KLHL1: variants seen among roughly 807,000 people sequenced by gnomAD.
KLHL1 encodes the protein kelch-like protein 1.
In KLHL1, 47 loss-of-function variants were observed where a neutral mutation model predicts 77.7. The observed-to-expected ratio is 0.60, with a 90% CI of 0.48 to 0.77. The LOEUF (loss-of-function observed/expected upper bound fraction) is 0.77. KLHL1 is among the 30% of genes least tolerant of loss of function. The pLI is 0.00. For synonymous variants in KLHL1, 360 were observed against 325.2 expected, an observed-to-expected ratio of 1.11 and a Z score of -1.15; for missense variants, 925 against 910.8, an observed-to-expected ratio of 1.02 and a Z score of -0.20.
chr13:69,979,372 G>A (rs1024278444), intron 1 of KLHL1, among the ~76,000 whole-genome samples: 2 of 151,794 alleles, frequency 1.3e-5, no homozygotes, highest in Admixed American at 6.6e-5. Context: ...GACTTTAGCA[G>A]GAATCTTTCT....
In KLHL1 at chr13:69,782,301, C is replaced by A. The variant is rs1035612197; in HGVS notation, c.1639+14437G>T. On this transcript the variant is annotated intron_variant, in intron 7 of 10. Transcript: ENST00000377844. ...ACCGGGTTCATCTCACTAGGGAGTG[C>A]CAGACAGTGGGCGCAGGTCAGTGGG... is the stretch of plus-strand genomic sequence containing the variant. 6.1e-4 allele frequency among the ~76,000 whole-genome samples: 93 copies of A among 152,312 alleles called. 1 individual carries two copies. Among genetic ancestry groups the A allele is most frequent in the Non-Finnish European group, 1.2e-3 (81 of 68,022 alleles).
chr13:69,868,814 A>G (rs1307510552), intron 5 of KLHL1, among the ~76,000 whole-genome samples: 2 of 152,144 alleles, frequency 1.3e-5, no homozygotes, highest in African/African-American at 4.8e-5. Flanking sequence ...TCAGTGATTA[A>G]TGAGCTTTAC....
At chr13:70,049,313 ATAAT>A (rs959902497) in intron 1 of KLHL1, among the ~76,000 whole-genome samples, 2 of 152,190 alleles carry the variant, frequency 1.3e-5, no homozygotes, top group African/African-American at 2.4e-5. Context: ...TGAATAAAAA[ATAAT>A]TAATTAGTTC....
At chr13:69,889,131 A>G (rs192043416) in intron 4 of KLHL1, among the ~76,000 whole-genome samples, 2 of 152,162 alleles carry the variant, frequency 1.3e-5, no homozygotes, top group African/African-American at 2.4e-5. Flanking sequence ...CCCTTCAAGT[A>G]TCAAGAGTTT....
intron 7 of KLHL1, among the ~76,000 whole-genome samples, chr13:69,768,032 T>G (rs1361165161): frequency 6.6e-6 from 1 of 152,228 alleles, no homozygotes. Flanking sequence ...GTTTGTATGT[T>G]TCATCTATGT....
chr13:69,828,059 A>T (rs1878617141), intron 6 of KLHL1, among the ~76,000 whole-genome samples: 1 of 150,360 alleles, frequency 6.7e-6, no homozygotes, highest in South Asian at 2.1e-4. Context: ...TCCCACTTGG[A>T]TGGACAGAAC....
At chr13:70,061,160 T>C (rs9317869) in intron 1 of KLHL1, among the ~76,000 whole-genome samples, 143,429 of 152,190 alleles carry the variant, frequency 0.94, 67,881 homozygotes, top group East Asian at 1. Context: ...CTTAATGTTT[T>C]AATCAAATTT....
intron 6 of KLHL1, among the ~76,000 whole-genome samples, chr13:69,827,729 C>CAAAAAAA (rs58504097): frequency 2.7e-5 from 2 of 73,006 alleles, no homozygotes; most frequent in African/African-American, 4.3e-5. Flanking sequence ...GACCCTGTCT[C>CAAAAAAA]AAAAAAAAAA....
At chr13:69,735,741 C>T (rs953482605) in intron 8 of KLHL1, among the ~76,000 whole-genome samples, 1 of 151,500 alleles carries the variant, frequency 6.6e-6, no homozygotes, top group African/African-American at 2.4e-5. Flanking sequence ...ATTTAGAGAT[C>T]CCACATCTTT....
chr13:70,105,251 A>T (rs1888022601), intron 1 of KLHL1, among the ~76,000 whole-genome samples: 1 of 151,942 alleles, frequency 6.6e-6, no homozygotes, highest in Admixed American at 6.5e-5. Context: ...AAAGTAAGAA[A>T]CTTGTTAAGT....
intron 6 of KLHL1, among the ~76,000 whole-genome samples, chr13:69,803,473 G>A (rs1364305130): frequency 1.3e-5 from 2 of 152,152 alleles, no homozygotes; most frequent in Admixed American, 6.5e-5. Flanking sequence ...GCAGTGGGTA[G>A]AATTTAAAAA....
Position 69,740,433 on chromosome 13 carries a change from A to T in KLHL1, c.1763T>A (p.Ile588Asn), listed in dbSNP as rs1454013542. The change falls in exon 8 of 11, where the codon ATT becomes AAT. Residue 588 changes from isoleucine (I) to asparagine (N), a missense_variant. Transcript: ENST00000377844. ...TGCTACACCAACTGTGCTCCGAGCAATTGACATACTGGCTACAAATGTCCA... is the reference window on the plus strand; with the variant it reads ...TGCTACACCAACTGTGCTCCGAGCATTTGACATACTGGCTACAAATGTCCA... ...QQWTFVASMS[I>N]ARSTVGVAAL... 1.9e-6 allele frequency: 3 copies of T among 1,610,772 alleles called. No homozygotes were observed. Among genetic ancestry groups the T allele is most frequent in the Admixed American group, 1.7e-5 (1 of 59,998 alleles).
chr13:69,965,475 T>C (rs1884185906), intron 2 of KLHL1, among the ~76,000 whole-genome samples: 2 of 152,108 alleles, frequency 1.3e-5, no homozygotes, highest in African/African-American at 4.8e-5. Flanking sequence ...CCCTCATTTC[T>C]CCCCTTCTCC....
intron 8 of KLHL1, among the ~76,000 whole-genome samples, chr13:69,726,704 C>T (rs1475357474): frequency 6.6e-6 from 1 of 152,122 alleles, no homozygotes; most frequent in Non-Finnish European, 1.5e-5. Context: ...CATCATGTAT[C>T]CAAACTTGGC....
intron 1 of KLHL1, among the ~76,000 whole-genome samples, chr13:70,022,988 A>G (rs774638488): frequency 3.3e-5 from 5 of 151,978 alleles, no homozygotes; most frequent in Non-Finnish European, 5.9e-5. Context: ...CATGTCTTCC[A>G]TATGCATAAC....
At chr13:69,962,370 T>A (rs2137272245) in intron 2 of KLHL1, among the ~76,000 whole-genome samples, 1 of 152,230 alleles carries the variant, frequency 6.6e-6, no homozygotes, top group Non-Finnish European at 1.5e-5. Flanking sequence ...TATTTCTTTT[T>A]ACATTTAGGT....
In KLHL1 at chr13:69,705,209, C is replaced by G. The variant is rs539614687; in HGVS notation, c.2187+2416G>C. Among the ~76,000 whole-genome samples the G allele has an allele frequency of 5.4e-5, 8 of 147,464 alleles. No individual in the cohort carries two copies. The South Asian group carries it at 1.7e-3, about 31-fold the overall frequency. ...AAAGTTCTCTTTATGTCTTGAAGCA[C>G]GTGCATTATTTTTTTCAAATCAAAC... On this transcript the variant is annotated intron_variant, in intron 10 of 10. Transcript: ENST00000377844.
intron 1 of KLHL1, among the ~76,000 whole-genome samples, chr13:69,978,177 G>C (rs980557712): frequency 6.6e-6 from 1 of 151,996 alleles, no homozygotes; most frequent in Non-Finnish European, 1.5e-5. Flanking sequence ...GCATTGAATA[G>C]AAAAGTCACA....
At chr13:69,867,930 C>T (rs1009376959) in intron 5 of KLHL1, among the ~76,000 whole-genome samples, 5 of 151,386 alleles carry the variant, frequency 3.3e-5, no homozygotes, top group South Asian at 4.2e-4. Context: ...TGCAGCACAC[C>T]AACATGAAAC....
Sources: allele counts gnomAD v4.1 joint callset (sites outside exome capture counted in the v4.1 genomes callset), GRCh38; gene constraint gnomAD v4.1.1; transcripts MANE v1.5; gene names NCBI Gene and HGNC (gene_info 2026-07-23, HGNC 2026-07-21).